The following MCC variants were observed in gnomAD, a reference collection of about 807,000 sequenced individuals.
MCC encodes colorectal mutant cancer protein.
MCC carries 90 observed loss-of-function variants against 116.2 expected under a neutral mutation model. That is an observed-to-expected ratio of 0.77 (90% CI 0.65 to 0.92). MCC has a LOEUF of 0.92. MCC is among the 40% of genes least tolerant of loss of function. The pLI, the probability that MCC is intolerant of heterozygous loss-of-function variation, is 0.00. For missense variants in MCC, 1,516 were observed against 1,312.2 expected (o/e 1.16, Z -2.40); for synonymous variants, 578 against 510.5 (o/e 1.13, Z -1.78).
intron 6 of MCC, among the ~76,000 whole-genome samples, chr5:113,105,870 T>C (rs567579793): frequency 1.3e-5 from 2 of 152,292 alleles, no homozygotes; most frequent in Non-Finnish European, 2.9e-5. Flanking sequence ...TCCCAACTCC[T>C]TACCAGAGCC....
At chr5:113,418,527 C>G (rs944719383) in intron 1 of MCC, among the ~76,000 whole-genome samples, 4 of 151,094 alleles carry the variant, frequency 2.6e-5, no homozygotes, top group African/African-American at 9.8e-5. Flanking sequence ...TGTGAAATTT[C>G]TTTACCCAGT....
chr5:113,358,685 A>G (rs759592389), intron 2 of MCC, among the ~76,000 whole-genome samples: 1 of 152,210 alleles, frequency 6.6e-6, no homozygotes, highest in Non-Finnish European at 1.5e-5. Flanking sequence ...TAAAGCTACC[A>G]CATTGCCACA....
chr5:113,414,786 T>C (rs1397281712), intron 1 of MCC, among the ~76,000 whole-genome samples: 2 of 152,222 alleles, frequency 1.3e-5, no homozygotes, highest in Non-Finnish European at 2.9e-5. Flanking sequence ...AATATTGTTA[T>C]GTGTGAATGT....
chr5:113,038,880 G>A (rs938791782), intron 17 of MCC, among the ~76,000 whole-genome samples: 1 of 152,224 alleles, frequency 6.6e-6, no homozygotes, highest in African/African-American at 2.4e-5. Context: ...ACTGTGATTT[G>A]TCGATTGCCT....
chr5:113,042,508 T>C (rs1049335340), intron 17 of MCC, among the ~76,000 whole-genome samples: 3 of 147,766 alleles, frequency 2.0e-5, no homozygotes, highest in African/African-American at 7.5e-5. Context: ...AATTTAAGCA[T>C]TATAAAAATC....
At chr5:113,077,519 A>ACT (rs1754541259) in intron 11 of MCC, among the ~76,000 whole-genome samples, 2 of 152,238 alleles carry the variant, frequency 1.3e-5, no homozygotes, top group Admixed American at 1.3e-4. Context: ...AAACTGCATA[A>ACT]CTACATGGAA....
rs1750267559 is a variant in MCC, at chr5:113,023,115, A to ATTAT, written c.*4183_*4186dup. 1 of 152,228 alleles carries ATTAT rather than the reference A, an allele frequency of 6.6e-6. No homozygotes were observed. The highest frequency in any genetic ancestry group is 2.1e-4 in the South Asian group (1 of 4,832). 9.4% of individuals were successfully genotyped at this position (152,228 alleles called of 1,614,324 possible). On this transcript the variant is annotated 3_prime_UTR_variant, in exon 19 of 19. Coordinates refer to ENST00000408903, the MANE Select transcript of MCC (RefSeq NM_001085377.2). ...TGATGCTGTGGTGACAGCAGTCAGCATTATTTCTTAGAGAATACAAATGTA... is the reference window on the plus strand; with the variant it reads ...TGATGCTGTGGTGACAGCAGTCAGCATTATTTATTTCTTAGAGAATACAAATGTA...
intron 3 of MCC, among the ~76,000 whole-genome samples, chr5:113,327,468 C>A (rs1767586922): frequency 6.8e-6 from 1 of 147,550 alleles, no homozygotes; most frequent in Non-Finnish European, 1.5e-5. Flanking sequence ...ATCGCTTGAA[C>A]CCAGGAGGCA....
intron 3 of MCC, among the ~76,000 whole-genome samples, chr5:113,317,141 A>G (rs1767306253): frequency 6.6e-6 from 1 of 152,234 alleles, no homozygotes; most frequent in Non-Finnish European, 1.5e-5. Context: ...TTTTGAACAC[A>G]AACATTCAGA....
At chr5:113,258,290 C>T (rs936352525) in intron 3 of MCC, among the ~76,000 whole-genome samples, 7 of 152,176 alleles carry the variant, frequency 4.6e-5, no homozygotes, top group African/African-American at 1.7e-4. Flanking sequence ...CTGTGGGTGG[C>T]ACTCAACATA....
At chr5:113,466,427 T>C (rs953115224) in intron 1 of MCC, among the ~76,000 whole-genome samples, 2 of 148,826 alleles carry the variant, frequency 1.3e-5, no homozygotes, top group African/African-American at 5.0e-5. Flanking sequence ...AGTGAGAACA[T>C]GTGGTGTTTG....
At chr5:113,065,813 T>C (rs1043599313) in intron 13 of MCC, among the ~76,000 whole-genome samples, 1 of 152,212 alleles carries the variant, frequency 6.6e-6, no homozygotes, top group Non-Finnish European at 1.5e-5. Flanking sequence ...GATGGCACAG[T>C]ATGATGGGCC....
intron 2 of MCC, among the ~76,000 whole-genome samples, chr5:113,379,184 C>T (rs1429105362): frequency 6.6e-6 from 1 of 152,162 alleles, no homozygotes; most frequent in Non-Finnish European, 1.5e-5. Context: ...TTGCTCATCA[C>T]GTCAGTTTTC....
chr5:113,070,297 C>T (rs1194120683), intron 12 of MCC, among the ~76,000 whole-genome samples: 1 of 152,026 alleles, frequency 6.6e-6, no homozygotes, highest in Non-Finnish European at 1.5e-5. Context: ...TAAGTGGTAA[C>T]ACTAATAAAA....
chr5:113,148,022 G>A lies in MCC; in HGVS notation c.741+3287C>T, dbSNP rs141244266. ...ACATTACTGCTCACCTATTTTAAAG[G>A]GGTTCATAAGCTTGTTTGACATATC... On this transcript the variant is annotated intron_variant, in intron 4 of 18. Coordinates refer to ENST00000408903, the MANE Select transcript of MCC (RefSeq NM_001085377.2). 1.8e-3 allele frequency among the ~76,000 whole-genome samples: 276 copies of A among 152,280 alleles called. 1 individual carries two copies. Among genetic ancestry groups the A allele is most frequent in the African/African-American group, 6.3e-3 (263 of 41,564 alleles).
intron 8 of MCC, among the ~76,000 whole-genome samples, chr5:113,094,982 C>T (rs1185049345): frequency 1.3e-5 from 2 of 152,106 alleles, no homozygotes; most frequent in Non-Finnish European, 2.9e-5. Flanking sequence ...CTTGGATTCC[C>T]CCTAAAACTC....
intron 3 of MCC, among the ~76,000 whole-genome samples, chr5:113,239,012 T>C (rs1460879957): frequency 1.3e-5 from 2 of 152,214 alleles, no homozygotes; most frequent in Non-Finnish European, 2.9e-5. Flanking sequence ...AGAATATTCA[T>C]GCATATGTTT....
chr5:113,132,084 G>GTT (rs11436110), intron 5 of MCC, among the ~76,000 whole-genome samples: 1 of 151,642 alleles, frequency 6.6e-6, no homozygotes. Flanking sequence ...GGATATAAGC[G>GTT]TTTTTTTAAA....
intron 1 of MCC, among the ~76,000 whole-genome samples, chr5:113,468,294 T>C (rs1326021255): frequency 6.6e-6 from 1 of 152,224 alleles, no homozygotes; most frequent in Non-Finnish European, 1.5e-5. Flanking sequence ...TTTTTGCCCA[T>C]TCAGTATAAT....
Sources: gnomAD v4.1 joint callset for allele counts (sites outside exome capture counted in the v4.1 genomes callset) on GRCh38, gnomAD v4.1.1 for gene constraint, MANE v1.5 for transcripts, NCBI Gene and HGNC (gene_info 2026-07-23, HGNC 2026-07-21) for gene names.